The following MRPS27 variants were observed in gnomAD, a reference collection of about 807,000 sequenced individuals.
MRPS27 encodes mitochondrial ribosomal protein S27.
Under a neutral mutation model 48.9 loss-of-function variants are expected in MRPS27, and 43 were observed. The ratio of observed to expected loss-of-function variants is 0.88; its 90% CI spans 0.69 to 1.13. The LOEUF is 1.13. MRPS27 is among the 50% of genes most tolerant of loss of function. The pLI is 0.00. For synonymous variants in MRPS27, 188 were observed against 171.9 expected, an observed-to-expected ratio of 1.09 and a Z score of -0.73; for missense variants, 467 against 476.3, an observed-to-expected ratio of 0.98 and a Z score of 0.18.
At position 72,220,422 on chromosome 5, in the gene MRPS27, C is replaced by T. The variant is rs111927288; in HGVS notation, c.*487G>A. 170 of 155,024 alleles carry T rather than the reference C, an allele frequency of 1.1e-3. No homozygotes were observed. Among genetic ancestry groups the T allele is most frequent in the African/African-American group, 4.0e-3 (164 of 41,518 alleles). 9.6% of individuals were successfully genotyped at this position (155,024 alleles called of 1,614,324 possible). On this transcript the variant is annotated 3_prime_UTR_variant, in exon 11 of 11. Coordinates refer to ENST00000261413, the MANE Select transcript of MRPS27 (RefSeq NM_015084.3). ...TGTAATCCCACCTACTAAAGGAGGC[C>T]GAGGCAGGAGAATTGCTTGAACCTG...
At chr5:72,297,536 C>A in intron 3 of MRPS27, 96 bp downstream of exon 3, 1 of 697,770 alleles carries the variant, frequency 1.4e-6, no homozygotes, top group Non-Finnish European at 2.3e-6. Context: ...ATTTCCTATG[C>A]AAACTATTTT....
chr5:72,280,734 T>TC (rs1749512996), intron 4 of MRPS27, among the ~76,000 whole-genome samples: 1 of 152,226 alleles, frequency 6.6e-6, no homozygotes, highest in South Asian at 2.1e-4. Context: ...AGAACAGACC[T>TC]CTCTTTTTGT....
intron 2 of MRPS27, among the ~76,000 whole-genome samples, chr5:72,307,236 C>T (rs932884831): frequency 6.6e-6 from 1 of 152,118 alleles, no homozygotes; most frequent in Non-Finnish European, 1.5e-5. Flanking sequence ...CCTGTAATCC[C>T]AGCTTCTCGG....
chr5:72,319,674 G>A (rs1750690996), intron 1 of MRPS27, among the ~76,000 whole-genome samples: 1 of 151,416 alleles, frequency 6.6e-6, no homozygotes, highest in Non-Finnish European at 1.5e-5. Flanking sequence ...CCCCCGAGTA[G>A]CTGGGATTAC....
At position 72,220,792 on chromosome 5, in the gene MRPS27, G is replaced by C; in HGVS notation, c.*117C>G. ...CCTTGCCATGTAGGGCACATAGCCT[G>C]CTTTAAGAAAAGAAGATGGGTAGAG... On this transcript the variant is annotated 3_prime_UTR_variant, in exon 11 of 11. Transcript: ENST00000261413. 7.0e-7 allele frequency: 1 copy of C among 1,437,810 alleles called. No individual in the cohort carries two copies. The highest frequency in any genetic ancestry group is 2.1e-5 in the Admixed American group (1 of 47,342). 89.1% of individuals were successfully genotyped at this position (1,437,810 alleles called of 1,614,324 possible).
intron 4 of MRPS27, among the ~76,000 whole-genome samples, chr5:72,290,095 T>C (rs1182944166): frequency 2.0e-5 from 3 of 152,192 alleles, no homozygotes; most frequent in African/African-American, 7.2e-5. Flanking sequence ...GGCACAATTT[T>C]ACCAGTAACA....
In MRPS27 at chr5:72,242,450, C is replaced by G. The variant is rs186898207; in HGVS notation, c.282-4322G>C. Among the ~76,000 whole-genome samples the G allele has an allele frequency of 5.0e-3, 706 of 142,300 alleles. 4 individuals carry two copies. Among genetic ancestry groups the G allele is most frequent in the African/African-American group, 0.018 (679 of 38,066 alleles). 93.4% of individuals were successfully genotyped at this position (142,300 alleles called of 152,430 possible). Reference sequence around the variant, plus strand: ...AGTGAAAAAAAAAAAAAAAACACCACAGACTGACTGTGATTATATAGGAGG... The same window carrying G: ...AGTGAAAAAAAAAAAAAAAACACCAGAGACTGACTGTGATTATATAGGAGG... On this transcript the variant is annotated intron_variant, in intron 4 of 10. Transcript: ENST00000261413.
intron 4 of MRPS27, among the ~76,000 whole-genome samples, chr5:72,247,925 T>C (rs768255454): frequency 6.6e-6 from 1 of 152,212 alleles, no homozygotes; most frequent in African/African-American, 2.4e-5. Context: ...TGACTATTTG[T>C]AGTTTAAAAA....
Position 72,314,161 on chromosome 5 carries a change from G to C in MRPS27, c.74-3C>G, listed in dbSNP as rs773704208. 16 of 1,608,242 alleles carry C rather than the reference G, an allele frequency of 9.9e-6. No individual in the cohort carries two copies. Among genetic ancestry groups the C allele is most frequent in the African/African-American group, 1.3e-5 (1 of 74,910 alleles). ...TGAAGAAAGCAGGTATCTTTTACCTGAGAAAATAGGCAATTATTTCAACAC... is the reference window on the plus strand; with the variant it reads ...TGAAGAAAGCAGGTATCTTTTACCTCAGAAAATAGGCAATTATTTCAACAC... On this transcript the variant is annotated splice_polypyrimidine_tract_variant and splice_region_variant and intron_variant, in intron 1 of 10. Transcript: ENST00000261413.
chr5:72,314,037 G>C, intron 2 of MRPS27, 44 bp downstream of exon 2: 3 of 1,402,850 alleles, frequency 2.1e-6, no homozygotes, highest in Non-Finnish European at 2.0e-6. Context: ...AAGACATACA[G>C]AGTGACCGAA....
At chr5:72,226,228 C>T in intron 8 of MRPS27, 29 bp from the exon 9 acceptor site, 1 of 1,612,058 alleles carries the variant, frequency 6.2e-7, no homozygotes, top group Non-Finnish European at 8.5e-7. Flanking sequence ...ATAAAGAATG[C>T]TCAGCCATGT....
intron 4 of MRPS27, among the ~76,000 whole-genome samples, chr5:72,277,918 C>T (rs1182146212): frequency 3.3e-5 from 5 of 152,076 alleles, no homozygotes; most frequent in Non-Finnish European, 7.4e-5. Flanking sequence ...GGGAATAACA[C>T]ATACTGGAGC....
At chr5:72,264,415 T>A (rs185482146) in intron 4 of MRPS27, among the ~76,000 whole-genome samples, 20 of 151,438 alleles carry the variant, frequency 1.3e-4, no homozygotes, top group South Asian at 4.2e-4. Flanking sequence ...ATTTCATTTT[T>A]AAAAAAAAAG....
At chr5:72,285,193 TG>T (rs774940841) in intron 4 of MRPS27, among the ~76,000 whole-genome samples, 8 of 152,208 alleles carry the variant, frequency 5.3e-5, no homozygotes, top group Admixed American at 2.6e-4. Flanking sequence ...CTGATCTCTC[TG>T]GTTAAGGCAG....
In MRPS27 at chr5:72,253,420, GAAAAT is replaced by G. The variant is rs555564276; in HGVS notation, c.282-15297_282-15293del. 9.9e-5 allele frequency among the ~76,000 whole-genome samples: 15 copies of G among 152,224 alleles called. No individual in the cohort carries two copies. The South Asian group carries it at 2.7e-3, about 27-fold the overall frequency. On this transcript the variant is annotated intron_variant, in intron 4 of 10. Coordinates refer to ENST00000261413, the MANE Select transcript of MRPS27 (RefSeq NM_015084.3). ...ATAATCATCTAAAAGTAATGATAAA[GAAAAT>G]AAAACATTCAAATATATTTCAGCAG...
At chr5:72,246,805 A>C (rs1419932893) in intron 4 of MRPS27, among the ~76,000 whole-genome samples, 6 of 152,190 alleles carry the variant, frequency 3.9e-5, no homozygotes. Context: ...TGATTTCCCC[A>C]AGATAGTTAG....
At chr5:72,233,430 T>G (rs1748113144) in intron 6 of MRPS27, among the ~76,000 whole-genome samples, 1 of 152,144 alleles carries the variant, frequency 6.6e-6, no homozygotes, top group Non-Finnish European at 1.5e-5. Flanking sequence ...TAAAATATAG[T>G]GCCTGTTCAT....
intron 4 of MRPS27, among the ~76,000 whole-genome samples, chr5:72,290,581 A>C (rs1749790350): frequency 6.6e-6 from 1 of 152,172 alleles, no homozygotes. Flanking sequence ...TGCTCAGCCA[A>C]TCTCTATGTT....
intron 9 of MRPS27, among the ~76,000 whole-genome samples, chr5:72,224,668 A>T (rs1228991285): frequency 6.6e-6 from 1 of 152,194 alleles, no homozygotes; most frequent in Non-Finnish European, 1.5e-5. Flanking sequence ...TAAATTAAGG[A>T]TCAGTGTAAT....
Sources: gnomAD v4.1 joint callset for allele counts (sites outside exome capture counted in the v4.1 genomes callset) on GRCh38, gnomAD v4.1.1 for gene constraint, MANE v1.5 for transcripts, NCBI Gene and HGNC (gene_info 2026-07-23, HGNC 2026-07-21) for gene names.